The following GRK3 variants were observed in gnomAD, a reference collection of about 807,000 sequenced individuals.
GRK3 encodes the protein G protein-coupled receptor kinase 3, also known as adrenergic, beta, receptor kinase 2.
Under a neutral mutation model 95.7 loss-of-function variants are expected in GRK3, and 54 were observed. That is an observed-to-expected ratio of 0.56 (90% CI 0.45 to 0.71). GRK3 has a LOEUF of 0.71. Ranked by LOEUF, GRK3 falls within the 30% of genes least tolerant of loss-of-function variation. The probability of loss-of-function intolerance (pLI) is 0.00; values close to 1 mark genes in which losing one functional copy is unlikely to be tolerated. For synonymous variants in GRK3, 281 were observed against 290.8 expected, an observed-to-expected ratio of 0.97 and a Z score of 0.34; for missense variants, 649 against 851.2, an observed-to-expected ratio of 0.76 and a Z score of 2.96.
chr22:25,571,905 T>C (rs192800874), intron 1 of GRK3, among the ~76,000 whole-genome samples: 309 of 152,286 alleles, frequency 2.0e-3, no homozygotes, highest in Non-Finnish European at 3.2e-3. Context: ...GTGCACAACA[T>C]GCAGGTTTGT....
chr22:25,583,645 T>C (rs75996377), intron 1 of GRK3, among the ~76,000 whole-genome samples: 10,868 of 152,234 alleles, frequency 0.071, 479 homozygotes, highest in African/African-American at 0.13. Flanking sequence ...ACTCAGTGTC[T>C]GGCTCAGGGT....
intron 8 of GRK3, 64 bp downstream of exon 8, chr22:25,674,592 A>G: frequency 8.4e-7 from 1 of 1,193,208 alleles, no homozygotes; most frequent in Non-Finnish European, 1.2e-6. Context: ...GCATGAAAAG[A>G]AAATTCCTAT....
chr22:25,640,042 A>G (rs945801120), intron 2 of GRK3, among the ~76,000 whole-genome samples: 2 of 152,148 alleles, frequency 1.3e-5, no homozygotes, highest in Non-Finnish European at 2.9e-5. Flanking sequence ...ATTTACTTAC[A>G]TATTCTAGTA....
rs1006684321 is a variant in GRK3, at chr22:25,700,862, G to T, written c.1161-2648G>T. On this transcript the variant is annotated intron_variant, in intron 13 of 20. Coordinates refer to ENST00000324198, the MANE Select transcript of GRK3 (RefSeq NM_005160.4). ...GGCCTCCCAAAGTGTGGGATTACAG[G>T]CGTGACCCACCGCGCCCGGCCTCTT... Among the ~76,000 whole-genome samples the T allele has an allele frequency of 5.3e-5, 8 of 152,282 alleles. No homozygotes were observed. In the East Asian group the frequency reaches 1.5e-3, roughly 29 times the overall value.
At chr22:25,577,821 A>G (rs1931959010) in intron 1 of GRK3, among the ~76,000 whole-genome samples, 1 of 152,206 alleles carries the variant, frequency 6.6e-6, no homozygotes, top group South Asian at 2.1e-4. Context: ...CTTTGGGTCT[A>G]TGTGTGAGCC....
intron 2 of GRK3, among the ~76,000 whole-genome samples, chr22:25,622,747 A>T (rs1043072792): frequency 6.6e-6 from 1 of 152,134 alleles, no homozygotes; most frequent in Non-Finnish European, 1.5e-5. Flanking sequence ...CGCATTTAGG[A>T]AGTCGCCAAA....
At chr22:25,713,294 G>C (rs970472619) in intron 17 of GRK3, among the ~76,000 whole-genome samples, 1 of 152,160 alleles carries the variant, frequency 6.6e-6, no homozygotes, top group Non-Finnish European at 1.5e-5. Flanking sequence ...GTCCCATTCA[G>C]AGCAACTGAG....
intron 3 of GRK3, among the ~76,000 whole-genome samples, chr22:25,655,944 C>T (rs1391501685): frequency 1.3e-5 from 2 of 152,188 alleles, no homozygotes; most frequent in African/African-American, 4.8e-5. Flanking sequence ...CCGTTACGTG[C>T]AGCATAGTGG....
intron 17 of GRK3, 66 bp from the exon 18 acceptor site, chr22:25,714,342 C>T (rs946469946): frequency 6.3e-5 from 87 of 1,391,784 alleles, no homozygotes; most frequent in Non-Finnish European, 7.8e-5. Context: ...ATGGATGTGG[C>T]GCCGCGGACT....
At position 25,722,535 on chromosome 22, in the gene GRK3, T is replaced by C; in HGVS notation, c.*85T>C. 6.9e-7 allele frequency: 1 copy of C among 1,450,502 alleles called. No homozygotes were observed. The highest frequency in any genetic ancestry group is 9.4e-7 in the Non-Finnish European group (1 of 1,059,530). The allele number at this position is 1,450,502 out of a possible 1,614,324, so 89.9% of individuals were successfully genotyped here. ...GAACGAGGATGAGGCATCTGATCTA[T>C]TCGCTACCGGGACTCCTCCAGGCTC... is the stretch of plus-strand genomic sequence containing the variant. On this transcript the variant is annotated 3_prime_UTR_variant, in exon 21 of 21. Transcript: ENST00000324198.
At chr22:25,580,445 A>C (rs1932058814) in intron 1 of GRK3, 1 of 152,220 alleles carries the variant, frequency 6.6e-6, no homozygotes, top group African/African-American at 2.4e-5. Context: ...AAGTGATAAT[A>C]GACTGTGTTT....
intron 13 of GRK3, among the ~76,000 whole-genome samples, chr22:25,701,037 T>G (rs1406025716): frequency 1.3e-5 from 2 of 152,236 alleles, no homozygotes; most frequent in Non-Finnish European, 2.9e-5. Context: ...ATTTTCCAAC[T>G]CATTTAGGGG....
At chr22:25,698,257 G>A (rs2085226894) in intron 13 of GRK3, among the ~76,000 whole-genome samples, 1 of 151,582 alleles carries the variant, frequency 6.6e-6, no homozygotes, top group Non-Finnish European at 1.5e-5. Flanking sequence ...AAAAGGGAAG[G>A]AAGGAAGGGA....
chr22:25,596,675 T>C (rs532386932), intron 1 of GRK3, among the ~76,000 whole-genome samples: 31 of 152,314 alleles, frequency 2.0e-4, no homozygotes, highest in Middle Eastern at 3.4e-3. Flanking sequence ...TCTTAGCATG[T>C]CTTGTAACTT....
intron 3 of GRK3, among the ~76,000 whole-genome samples, chr22:25,652,863 G>A (rs1408494068): frequency 6.6e-6 from 1 of 152,112 alleles, no homozygotes; most frequent in Non-Finnish European, 1.5e-5. Context: ...TTGTGTTACA[G>A]TTGCCTGCAG....
chr22:25,601,645 T>C (rs1284511835), intron 1 of GRK3, among the ~76,000 whole-genome samples: 1 of 152,114 alleles, frequency 6.6e-6, no homozygotes. Flanking sequence ...TACAGATCAA[T>C]GCAACAGGAT....
At position 25,694,400 on chromosome 22, in the gene GRK3, G is replaced by T. The variant is rs191632785; in HGVS notation, c.1053-707G>T. ...GGAGGGGTGGAGAGTGCTAGAGTGGGAAGGGCTTTCGAATTGCAGATGGTG... is the reference window on the plus strand; with the variant it reads ...GGAGGGGTGGAGAGTGCTAGAGTGGTAAGGGCTTTCGAATTGCAGATGGTG... On this transcript the variant is annotated intron_variant, in intron 12 of 20. Coordinates refer to ENST00000324198, the MANE Select transcript of GRK3 (RefSeq NM_005160.4). Among the ~76,000 whole-genome samples, 308 of 152,306 alleles carry T rather than the reference G, an allele frequency of 2.0e-3. 1 individual carries two copies. Among genetic ancestry groups the T allele is most frequent in the African/African-American group, 7.1e-3 (294 of 41,568 alleles).
chr22:25,642,904 A>G (rs577467612), intron 2 of GRK3, among the ~76,000 whole-genome samples: 1 of 152,208 alleles, frequency 6.6e-6, no homozygotes, highest in Non-Finnish European at 1.5e-5. Flanking sequence ...GCCATACAGC[A>G]TTCCGTTAGA....
At chr22:25,660,426 G>T (rs2084902128) in intron 3 of GRK3, among the ~76,000 whole-genome samples, 1 of 152,136 alleles carries the variant, frequency 6.6e-6, no homozygotes, top group African/African-American at 2.4e-5. Flanking sequence ...AAGACTCCAT[G>T]TGAATTTCAG....
Sources: allele counts gnomAD v4.1 joint callset (sites outside exome capture counted in the v4.1 genomes callset), GRCh38; gene constraint gnomAD v4.1.1; transcripts MANE v1.5; gene names NCBI Gene and HGNC (gene_info 2026-07-23, HGNC 2026-07-21).